Variants in PTPN13 observed in about 807,000 individuals in gnomAD.
The protein encoded by PTPN13 is tyrosine-protein phosphatase non-receptor type 13.
Under a neutral mutation model 284.0 loss-of-function variants are expected in PTPN13, and 191 were observed. The ratio of observed to expected loss-of-function variants is 0.67; its 90% CI spans 0.60 to 0.76. The LOEUF is 0.76. Ranked by LOEUF, PTPN13 falls within the 30% of genes least tolerant of loss-of-function variation. The pLI is 0.00. For synonymous variants in PTPN13, 986 were observed against 1,022.3 expected, an observed-to-expected ratio of 0.96 and a Z score of 0.68; for missense variants, 2,797 against 2,939.9, an observed-to-expected ratio of 0.95 and a Z score of 1.12.
rs181305514 is a variant in PTPN13, at chr4:86,656,664, C to T, written c.116-15701C>T. Among the ~76,000 whole-genome samples the T allele has an allele frequency of 1.4e-3, 206 of 152,320 alleles. 6 individuals are homozygous for T. The East Asian group carries it at 0.019, about 14-fold the overall frequency. On this transcript the variant is annotated intron_variant, in intron 2 of 47. Coordinates refer to ENST00000411767, the MANE Select transcript of PTPN13 (RefSeq NM_080683.3). Reference sequence around the variant, plus strand: ...GAGGGTGCCTCCCAGTTAGGCTACTCGGGGGTCAGGGACCCACTTGAGGAG... The same window carrying T: ...GAGGGTGCCTCCCAGTTAGGCTACTTGGGGGTCAGGGACCCACTTGAGGAG...
chr4:86,779,341 C>G (rs909527244), intron 35 of PTPN13, among the ~76,000 whole-genome samples: 1 of 150,696 alleles, frequency 6.6e-6, no homozygotes, highest in Admixed American at 6.6e-5. Flanking sequence ...GGCGTGAACC[C>G]GGGAGGTGGA....
chr4:86,724,673 G>A (rs1312240353), intron 10 of PTPN13, among the ~76,000 whole-genome samples: 1 of 152,120 alleles, frequency 6.6e-6, no homozygotes, highest in African/African-American at 2.4e-5. Context: ...TGGAGGTACA[G>A]TTTGAATTAA....
intron 23 of PTPN13, among the ~76,000 whole-genome samples, chr4:86,760,876 G>C (rs896292575): frequency 6.6e-6 from 1 of 151,908 alleles, no homozygotes; most frequent in African/African-American, 2.4e-5. Context: ...AAACCCAAAA[G>C]AACTTAGAAA....
rs758288813 is a variant in PTPN13 at position 86,717,016 on chromosome 4, A to C, written c.1292-8A>C. ...CTGTGCCATTATTTCTTTTTCATTCATAATTAGTGAGAAGAAGTGAAGCCT... is the reference window on the plus strand; with the variant it reads ...CTGTGCCATTATTTCTTTTTCATTCCTAATTAGTGAGAAGAAGTGAAGCCT... On this transcript the variant is annotated splice_region_variant and splice_polypyrimidine_tract_variant and intron_variant, in intron 8 of 47. Coordinates refer to ENST00000411767, the MANE Select transcript of PTPN13 (RefSeq NM_080683.3). 39 of 1,598,600 alleles carry C rather than the reference A, an allele frequency of 2.4e-5. No individual in the cohort carries two copies. Among genetic ancestry groups the C allele is most frequent in the Admixed American group, 1.2e-4 (7 of 59,484 alleles).
chr4:86,726,759 CAG>C (rs1734300882), intron 10 of PTPN13, among the ~76,000 whole-genome samples: 1 of 149,322 alleles, frequency 6.7e-6, no homozygotes, highest in Non-Finnish European at 1.5e-5. Flanking sequence ...CATCTGCAAA[CAG>C]GGACAATTTG....
intron 40 of PTPN13, among the ~76,000 whole-genome samples, chr4:86,795,908 A>AGG (rs1743285202): frequency 6.6e-6 from 1 of 152,068 alleles, no homozygotes; most frequent in Non-Finnish European, 1.5e-5. Flanking sequence ...GGCCTGGGGG[A>AGG]GGGATAGCAT....
At position 86,751,086 on chromosome 4, in the gene PTPN13, C is replaced by G. The variant is rs938852401; in HGVS notation, c.3128C>G (p.Ser1043Cys). ...GAAAGGAGGAAACATGAATCAGACTCCTCATCCATTGAAGACCCTGGGCAA... is the reference window on the plus strand; with the variant it reads ...GAAAGGAGGAAACATGAATCAGACTGCTCATCCATTGAAGACCCTGGGCAA... ...SPERRKHESD[S>C]SSIEDPGQAY... The change falls in exon 19 of 48, where the codon TCC (serine) becomes TGC (cysteine). Residue 1043 changes from serine to cysteine, a missense_variant. Ser to Cys is a moderately radical substitution (Grantham distance 112). Transcript: ENST00000411767. 4 of 1,609,090 alleles carry G rather than the reference C, an allele frequency of 2.5e-6. No individual in the cohort carries two copies. The highest frequency in any genetic ancestry group is 3.4e-6 in the Non-Finnish European group (4 of 1,175,810).
At chr4:86,615,606 C>T (rs1163614744) in intron 1 of PTPN13, among the ~76,000 whole-genome samples, 1 of 152,124 alleles carries the variant, frequency 6.6e-6, no homozygotes, top group East Asian at 1.9e-4. Context: ...GAGGCCACCC[C>T]AGTCACCTAA....
chr4:86,759,105 G>A (rs774906016), intron 23 of PTPN13, 32 bp downstream of exon 23: 2 of 1,596,500 alleles, frequency 1.3e-6, no homozygotes, highest in Non-Finnish European at 1.7e-6. Flanking sequence ...TATGTATTCT[G>A]TTTCACTTTT....
intron 6 of PTPN13, among the ~76,000 whole-genome samples, chr4:86,700,109 A>G (rs1343457065): frequency 1.3e-5 from 2 of 152,160 alleles, no homozygotes; most frequent in Non-Finnish European, 2.9e-5. Flanking sequence ...TGCCATTCTG[A>G]AATGAATTCC....
chr4:86,742,691 C>T (rs550921286), intron 16 of PTPN13, among the ~76,000 whole-genome samples: 5 of 152,276 alleles, frequency 3.3e-5, no homozygotes, highest in Admixed American at 3.3e-4. Context: ...GTTCTCCAGA[C>T]CACCCACATC....
intron 3 of PTPN13, among the ~76,000 whole-genome samples, chr4:86,686,479 G>A (rs1428382127): frequency 6.6e-6 from 1 of 152,188 alleles, no homozygotes; most frequent in African/African-American, 2.4e-5. Flanking sequence ...TAACAAAACT[G>A]ATTATGCATA....
chr4:86,814,788 C>CCTG lies in PTPN13; in HGVS notation c.*237_*238insCTG. 2.6e-6 allele frequency: 1 copy of CCTG among 384,900 alleles called. No individual in the cohort carries two copies. Among genetic ancestry groups the CCTG allele is most frequent in the Non-Finnish European group, 4.7e-6 (1 of 212,122 alleles). The allele number at this position is 384,900 out of a possible 1,614,324, so 23.8% of individuals were successfully genotyped here. A position where few individuals can be genotyped will look rare whatever the true frequency, so the allele number is the denominator to read the frequency against. On this transcript the variant is annotated 3_prime_UTR_variant, in exon 48 of 48. Coordinates refer to ENST00000411767, the MANE Select transcript of PTPN13 (RefSeq NM_080683.3). ...TTAACACTAACCAAACAATGCAGAT[C>CCTG]TTAGGGATGATTAAAGGCAGCATTT...
chr4:86,814,833 A>C lies in PTPN13; in HGVS notation c.*282A>C, dbSNP rs1447557124. On this transcript the variant is annotated 3_prime_UTR_variant, in exon 48 of 48. Coordinates refer to ENST00000411767, the MANE Select transcript of PTPN13 (RefSeq NM_080683.3). ...GCATTTGATGATAGCAGACATTGTTACAAGGACATGGTGAGTCTATTTTTA... is the reference window on the plus strand; with the variant it reads ...GCATTTGATGATAGCAGACATTGTTCCAAGGACATGGTGAGTCTATTTTTA... The C allele has an allele frequency of 7.1e-6, 2 of 280,188 alleles. No homozygotes were observed. The highest frequency in any genetic ancestry group is 1.3e-4 in the East Asian group (2 of 15,448). The allele number at this position is 280,188 out of a possible 1,614,324, so 17.4% of individuals were successfully genotyped here.
At chr4:86,742,661 C>G (rs919248801) in intron 16 of PTPN13, among the ~76,000 whole-genome samples, 1 of 152,130 alleles carries the variant, frequency 6.6e-6, no homozygotes, top group Non-Finnish European at 1.5e-5. Flanking sequence ...AGAGATATCA[C>G]TAAGATTTCC....
chr4:86,794,092 C>A (rs1383154420), intron 40 of PTPN13, among the ~76,000 whole-genome samples: 2 of 151,942 alleles, frequency 1.3e-5, no homozygotes, highest in Non-Finnish European at 2.9e-5. Context: ...ACAAAATAGA[C>A]TGCTAGCAAA....
chr4:86,808,460 C>G (rs946889043), intron 45 of PTPN13, among the ~76,000 whole-genome samples: 1 of 152,204 alleles, frequency 6.6e-6, no homozygotes, highest in East Asian at 1.9e-4. Context: ...TTCTCCCTCA[C>G]CTTACTACAC....
Position 86,705,073 on chromosome 4 carries a change from T to C in PTPN13, c.1195+3272T>C, listed in dbSNP as rs182971408. Among the ~76,000 whole-genome samples, 579 of 152,226 alleles carry C rather than the reference T, an allele frequency of 3.8e-3. 1 individual carries two copies. The highest frequency in any genetic ancestry group is 0.012 in the African/African-American group (514 of 41,568). ...AAACAAGGCTGGGCGCGGTGGCTGA[T>C]GCCTGTAATCCCAGCACTTTGGGAG... On this transcript the variant is annotated intron_variant, in intron 7 of 47. Coordinates refer to ENST00000411767, the MANE Select transcript of PTPN13 (RefSeq NM_080683.3).
intron 2 of PTPN13, among the ~76,000 whole-genome samples, chr4:86,669,144 G>T (rs1349470464): frequency 1.3e-5 from 2 of 151,474 alleles, no homozygotes; most frequent in African/African-American, 2.4e-5. Flanking sequence ...CTTTATTGTA[G>T]TTGAAGTAAT....
Sources: gnomAD v4.1 joint callset for allele counts (sites outside exome capture counted in the v4.1 genomes callset) on GRCh38, gnomAD v4.1.1 for gene constraint, MANE v1.5 for transcripts, NCBI Gene and HGNC (gene_info 2026-07-23, HGNC 2026-07-21) for gene names.